The following AP2A2 variants were observed in gnomAD, a reference collection of about 807,000 sequenced individuals.
AP2A2 encodes AP-2 complex subunit alpha-2.
Under a neutral mutation model 104.2 loss-of-function variants are expected in AP2A2, and 32 were observed. The ratio of observed to expected loss-of-function variants is 0.31; its 90% CI spans 0.23 to 0.41. The LOEUF is 0.41. Ranked by LOEUF, AP2A2 falls within the 10% of genes least tolerant of loss-of-function variation. The pLI is 1.00. For missense variants in AP2A2, 912 were observed against 1,261.0 expected (o/e 0.72, Z 4.19); for synonymous variants, 539 against 533.3 (o/e 1.01, Z -0.15).
intron 1 of AP2A2, among the ~76,000 whole-genome samples, chr11:949,065 G>T (rs938611428): frequency 6.6e-6 from 1 of 152,166 alleles, no homozygotes; most frequent in East Asian, 1.9e-4. Flanking sequence ...TGAGGTGGGT[G>T]ATCATTTGAG....
chr11:981,468 GA>G lies in AP2A2; in HGVS notation c.705+171del, dbSNP rs1308587154. Reference sequence around the variant, plus strand: ...TGTTGAGAACTGTCCTGTCTGTACAGAAGCACAGCTCCCTGTTCCCATGGTG... The same window carrying G: ...TGTTGAGAACTGTCCTGTCTGTACAGAGCACAGCTCCCTGTTCCCATGGTG... On this transcript the variant is annotated intron_variant, in intron 6 of 21. Coordinates refer to ENST00000448903, the MANE Select transcript of AP2A2 (RefSeq NM_012305.4). The G allele has an allele frequency of 2.8e-5, 17 of 600,170 alleles. 1 individual carries two copies. The South Asian group carries it at 3.0e-4, about 11-fold the overall frequency. The allele number at this position is 600,170 out of a possible 1,614,324, so 37.2% of individuals were successfully genotyped here.
Position 1,011,660 on chromosome 11 carries a change from C to CT in AP2A2, c.*1036dup, listed in dbSNP as rs761825884. On this transcript the variant is annotated 3_prime_UTR_variant, in exon 22 of 22. Coordinates refer to ENST00000448903, the MANE Select transcript of AP2A2 (RefSeq NM_012305.4). ...GGAGCCAAGGCTGGGGCCTTGCGCT[C>CT]TGTCCCCAGGATGGTGGCCTTGTTT... is the stretch of plus-strand genomic sequence containing the variant. 3.3e-5 allele frequency: 12 copies of CT among 363,362 alleles called. No individual in the cohort carries two copies. The highest frequency in any genetic ancestry group is 6.0e-5 in the Non-Finnish European group (11 of 181,850). 22.5% of individuals were successfully genotyped at this position (363,362 alleles called of 1,614,324 possible). A position where few individuals can be genotyped will look rare whatever the true frequency, so the allele number is the denominator to read the frequency against.
chr11:967,386 G>C (rs1222579944), intron 2 of AP2A2, among the ~76,000 whole-genome samples: 1 of 151,778 alleles, frequency 6.6e-6, no homozygotes, highest in Non-Finnish European at 1.5e-5. Flanking sequence ...TTTTGAGATG[G>C]AGTCTCGCTC....
chr11:993,524 C>A lies in AP2A2; in HGVS notation c.1550+143C>A. 3 of 697,356 alleles carry A rather than the reference C, an allele frequency of 4.3e-6. No homozygotes were observed. The highest frequency in any genetic ancestry group is 6.9e-6 in the Non-Finnish European group (3 of 432,474). 43.2% of individuals were successfully genotyped at this position (697,356 alleles called of 1,614,324 possible). A position where few individuals can be genotyped will look rare whatever the true frequency, so the allele number is the denominator to read the frequency against. On this transcript the variant is annotated intron_variant, in intron 12 of 21. Transcript: ENST00000448903. The surrounding 1 kb of genome is among the most constrained non-coding windows in gnomAD (Gnocchi z 8.2). The stretch of plus-strand genomic sequence containing the variant: ...TCCCCATCGGCGTCTTTTTGTTTTC[C>A]TTCAGTTGATAGAAAAAGCAGGGAT...
intron 17 of AP2A2, chr11:1,007,180 T>C (rs1360654409): frequency 6.5e-6 from 1 of 154,834 alleles, no homozygotes; most frequent in Non-Finnish European, 1.5e-5. Flanking sequence ...AGACCCCAGC[T>C]TGACCAGAGA....
chr11:939,025 G>A (rs1331755442), intron 1 of AP2A2, among the ~76,000 whole-genome samples: 3 of 151,790 alleles, frequency 2.0e-5, no homozygotes, highest in African/African-American at 7.3e-5. Flanking sequence ...AGGCCGAGGC[G>A]GGTGGATCAC....
intron 14 of AP2A2, among the ~76,000 whole-genome samples, chr11:998,038 G>A (rs553157649): frequency 1.3e-5 from 2 of 152,408 alleles, no homozygotes; most frequent in East Asian, 3.9e-4. Context: ...CATGGCCAAG[G>A]CCGATGGCTT....
rs1225635230 is a variant in AP2A2, at chr11:976,327, A to G, written c.474-768A>G. ...GGGGAGATTTAGGAATAAAAAAGCC[A>G]AAAGGTAAATGGTACAGGTAGTCCC... On this transcript the variant is annotated intron_variant, in intron 4 of 21. Transcript: ENST00000448903. Among the ~76,000 whole-genome samples, 6 of 152,340 alleles carry G rather than the reference A, an allele frequency of 3.9e-5. No individual in the cohort carries two copies. In the South Asian group the frequency reaches 1.0e-3, roughly 26 times the overall value.
intron 14 of AP2A2, among the ~76,000 whole-genome samples, chr11:996,911 G>A (rs1169075206): frequency 2.0e-5 from 3 of 152,060 alleles, no homozygotes; most frequent in Non-Finnish European, 2.9e-5. Flanking sequence ...CGTCCTGACC[G>A]AGAGCTGTGG....
chr11:997,021 G>A (rs1855879327), intron 14 of AP2A2, among the ~76,000 whole-genome samples: 2 of 152,130 alleles, frequency 1.3e-5, no homozygotes, highest in South Asian at 4.1e-4. Context: ...GAGCCCCAGT[G>A]AGAGGCCCCT....
At chr11:956,550 T>G (rs560731108) in intron 1 of AP2A2, among the ~76,000 whole-genome samples, 11 of 152,334 alleles carry the variant, frequency 7.2e-5, no homozygotes, top group African/African-American at 2.6e-4. Context: ...ATTTTGACAG[T>G]GCTTGTTAAA....
chr11:953,915 A>G (rs1854142894), intron 1 of AP2A2, among the ~76,000 whole-genome samples: 1 of 149,764 alleles, frequency 6.7e-6, no homozygotes. Flanking sequence ...GCTCACTGCA[A>G]CCTCCGCCTC....
At chr11:984,460 G>A (rs1012295499) in intron 6 of AP2A2, among the ~76,000 whole-genome samples, 185 bp from the exon 7 acceptor site, 2 of 152,194 alleles carry the variant, frequency 1.3e-5, no homozygotes, top group African/African-American at 2.4e-5. Context: ...GTTGCCGAGT[G>A]ACAGTGCAGC....
chr11:963,760 C>T (rs984999092), intron 2 of AP2A2, among the ~76,000 whole-genome samples: 1 of 152,216 alleles, frequency 6.6e-6, no homozygotes, highest in African/African-American at 2.4e-5. Flanking sequence ...GTAACTGGGA[C>T]CACAGGCGCG....
chr11:945,545 C>T (rs907689694), intron 1 of AP2A2, among the ~76,000 whole-genome samples: 4 of 152,172 alleles, frequency 2.6e-5, no homozygotes, highest in African/African-American at 9.7e-5. Context: ...ATTGGGCAGG[C>T]TGGTCTTGAA....
rs114275454 is a variant in AP2A2 at position 994,991 on chromosome 11, C to T, written c.1956+746C>T. Among the ~76,000 whole-genome samples, 1,111 of 143,180 alleles carry T rather than the reference C, an allele frequency of 7.8e-3. 13 individuals are homozygous for T. The highest frequency in any genetic ancestry group is 0.026 in the African/African-American group (1,058 of 39,986). 93.9% of individuals were successfully genotyped at this position (143,180 alleles called of 152,430 possible). ...GGGGGCCACTGTCCCTGCTGGACGC[C>T]CCTCTGGCCTGTCCCGGGGGCCACT... On this transcript the variant is annotated intron_variant, in intron 14 of 21. Coordinates refer to ENST00000448903, the MANE Select transcript of AP2A2 (RefSeq NM_012305.4).
At chr11:1,001,007 T>A (rs763074932) in intron 15 of AP2A2, among the ~76,000 whole-genome samples, 18 of 152,226 alleles carry the variant, frequency 1.2e-4, no homozygotes, top group Non-Finnish European at 2.5e-4. Flanking sequence ...AGCCGTCTTG[T>A]CTGTGTCTGT....
At chr11:945,019 G>A (rs1219266867) in intron 1 of AP2A2, among the ~76,000 whole-genome samples, 3 of 152,112 alleles carry the variant, frequency 2.0e-5, no homozygotes, top group Non-Finnish European at 4.4e-5. Context: ...GGTGAATGGT[G>A]TGAGGGGTGA....
At chr11:943,571 C>T (rs1243209809) in intron 1 of AP2A2, among the ~76,000 whole-genome samples, 1 of 152,092 alleles carries the variant, frequency 6.6e-6, no homozygotes, top group African/African-American at 2.4e-5. Flanking sequence ...GGGGTGGTCT[C>T]CTCCCTTAAT....
Sources: gnomAD v4.1 joint callset for allele counts (sites outside exome capture counted in the v4.1 genomes callset) on GRCh38, gnomAD v4.1.1 for gene constraint, Gnocchi (gnomAD v3.1) non-coding constraint, MANE v1.5 for transcripts, NCBI Gene and HGNC (gene_info 2026-07-23, HGNC 2026-07-21) for gene names.